Variants in ALK observed in about 807,000 individuals in gnomAD.
ALK encodes ALK tyrosine kinase receptor.
ALK carries 74 observed loss-of-function variants against 163.1 expected under a neutral mutation model. The observed-to-expected ratio is 0.45, with a 90% CI of 0.38 to 0.55. The LOEUF (loss-of-function observed/expected upper bound fraction) is 0.55, where lower values mean the gene tolerates loss of function less well. ALK is among the 20% of genes least tolerant of loss of function. The pLI is 0.00. For missense variants in ALK, 2,063 were observed against 2,105.3 expected (o/e 0.98, Z 0.39); for synonymous variants, 960 against 843.2 (o/e 1.14, Z -2.40).
chr2:29,351,291 A>G (rs1460847835), intron 5 of ALK, among the ~76,000 whole-genome samples: 1 of 152,176 alleles, frequency 6.6e-6, no homozygotes, highest in Non-Finnish European at 1.5e-5. Context: ...AAGCTTAGAG[A>G]GAGGACTGGC....
intron 3 of ALK, among the ~76,000 whole-genome samples, chr2:29,584,352 G>T (rs1041412529): frequency 6.6e-6 from 1 of 152,278 alleles, no homozygotes; most frequent in Admixed American, 6.5e-5. Context: ...AAAAGTTAAT[G>T]GTTGGTTCAT....
intron 4 of ALK, among the ~76,000 whole-genome samples, chr2:29,391,403 C>T (rs777545610): frequency 3.3e-5 from 5 of 151,732 alleles, no homozygotes; most frequent in Admixed American, 1.3e-4. Flanking sequence ...CTGGCTCAAG[C>T]GATTCTCATG....
At chr2:29,434,365 CG>C (rs1368703080) in intron 4 of ALK, among the ~76,000 whole-genome samples, 1 of 152,078 alleles carries the variant, frequency 6.6e-6, no homozygotes, top group Admixed American at 6.6e-5. Flanking sequence ...GAATTAGTCC[CG>C]GGGCCCACTC....
intron 3 of ALK, among the ~76,000 whole-genome samples, chr2:29,669,047 TG>T (rs1204754185): frequency 6.6e-6 from 1 of 152,014 alleles, no homozygotes; most frequent in Admixed American, 6.6e-5. Context: ...GAGATTTTGG[TG>T]GGGACACAGC....
intron 4 of ALK, among the ~76,000 whole-genome samples, chr2:29,388,303 G>A (rs989798681): frequency 6.6e-6 from 1 of 152,160 alleles, no homozygotes; most frequent in African/African-American, 2.4e-5. Flanking sequence ...ACCATGAGTG[G>A]CAGTTGACAA....
intron 3 of ALK, among the ~76,000 whole-genome samples, chr2:29,570,465 G>A (rs1163377734): frequency 6.6e-6 from 1 of 152,228 alleles, no homozygotes; most frequent in Non-Finnish European, 1.5e-5. Flanking sequence ...AGCTGCATGG[G>A]AAGAGGGAAA....
intron 4 of ALK, among the ~76,000 whole-genome samples, chr2:29,419,360 G>A (rs1269175616): frequency 1.3e-5 from 2 of 151,404 alleles, no homozygotes; most frequent in African/African-American, 4.9e-5. Flanking sequence ...GGCCAAGATG[G>A]TCATTTCCCC....
chr2:29,461,104 A>C (rs1573373917), intron 4 of ALK, among the ~76,000 whole-genome samples: 1 of 152,204 alleles, frequency 6.6e-6, no homozygotes, highest in East Asian at 1.9e-4. Flanking sequence ...AGCCTAACCA[A>C]GAACAAGGCT....
At chr2:29,870,557 C>T (rs1272321424) in intron 1 of ALK, among the ~76,000 whole-genome samples, 11 of 152,032 alleles carry the variant, frequency 7.2e-5, no homozygotes, top group Admixed American at 7.2e-4. Flanking sequence ...TATCAACCAC[C>T]ATTAAAGAAA....
At chr2:29,506,142 T>G (rs939693770) in intron 4 of ALK, among the ~76,000 whole-genome samples, 1 of 152,170 alleles carries the variant, frequency 6.6e-6, no homozygotes, top group Non-Finnish European at 1.5e-5. Flanking sequence ...CTGCGAGAGA[T>G]AGTTTTCTGG....
chr2:29,398,526 C>G (rs1054936414), intron 4 of ALK, among the ~76,000 whole-genome samples: 2 of 152,048 alleles, frequency 1.3e-5, no homozygotes, highest in Non-Finnish European at 2.9e-5. Flanking sequence ...TTCTTAAAAG[C>G]AAACCAAGCA....
At chr2:29,349,523 C>A (rs190366771) in intron 5 of ALK, among the ~76,000 whole-genome samples, 9 of 152,168 alleles carry the variant, frequency 5.9e-5, no homozygotes, top group Admixed American at 5.2e-4. Flanking sequence ...TGAAGAGAGA[C>A]GCTCATCTAG....
At chr2:29,396,757 C>T (rs1463506117) in intron 4 of ALK, among the ~76,000 whole-genome samples, 2 of 151,394 alleles carry the variant, frequency 1.3e-5, no homozygotes, top group South Asian at 4.2e-4. Context: ...CCTCTGGCTC[C>T]CTGCACATAC....
intron 2 of ALK, among the ~76,000 whole-genome samples, chr2:29,706,991 G>A (rs1678929662): frequency 7.0e-6 from 1 of 143,794 alleles, no homozygotes; most frequent in Non-Finnish European, 1.5e-5. Flanking sequence ...GTGTGTGTGT[G>A]TGTGTGTGTG....
intron 1 of ALK, among the ~76,000 whole-genome samples, chr2:29,919,062 A>G (rs900168080): frequency 6.6e-6 from 1 of 152,080 alleles, no homozygotes; most frequent in Non-Finnish European, 1.5e-5. Flanking sequence ...ACACACACAC[A>G]CCCCCAACTC....
chr2:29,750,217 C>T (rs1330683529), intron 1 of ALK, among the ~76,000 whole-genome samples: 1 of 152,158 alleles, frequency 6.6e-6, no homozygotes, highest in African/African-American at 2.4e-5. Context: ...TTTACACAAA[C>T]CTAGATGGTA....
chr2:29,197,734 C>G, intron 26 of ALK, 58 bp from the exon 27 acceptor site: 1 of 1,374,648 alleles, frequency 7.3e-7, no homozygotes. Flanking sequence ...CACATTCACA[C>G]ACACACACAG....
chr2:29,197,525 T>C lies in ALK; in HGVS notation c.4073+17A>G, dbSNP rs762255617. On this transcript the variant is annotated intron_variant, in intron 27 of 28. Transcript: ENST00000389048. Reference sequence around the variant, plus strand: ...ACTGCTTAGTAACTAGCAGAAGTGTTCCTAAAAGAGTCATACACAGGCCCA... The same window carrying C: ...ACTGCTTAGTAACTAGCAGAAGTGTCCCTAAAAGAGTCATACACAGGCCCA... 19 of 1,612,938 alleles carry C rather than the reference T, an allele frequency of 1.2e-5. No individual in the cohort carries two copies. The highest frequency in any genetic ancestry group is 1.5e-5 in the Non-Finnish European group (18 of 1,179,938).
At chr2:29,200,870 TA>T (rs992209440) in intron 26 of ALK, among the ~76,000 whole-genome samples, 11 of 149,368 alleles carry the variant, frequency 7.4e-5, no homozygotes, top group Non-Finnish European at 1.0e-4. Context: ...TATATGTGTA[TA>T]TATATATTTT....
Sources: allele counts gnomAD v4.1 joint callset (sites outside exome capture counted in the v4.1 genomes callset), GRCh38; gene constraint gnomAD v4.1.1; transcripts MANE v1.5; gene names NCBI Gene and HGNC (gene_info 2026-07-23, HGNC 2026-07-21).